NXPE2: variants seen among roughly 807,000 people sequenced by gnomAD.
The protein encoded by NXPE2 is neurexophilin and PC-esterase domain family member 2.
A neutral mutation model predicts 34.4 loss-of-function variants in NXPE2; 34 were observed. That is an observed-to-expected ratio of 0.99 (90% CI 0.75 to 1.31). The LOEUF (loss-of-function observed/expected upper bound fraction) is 1.31, where lower values mean the gene tolerates loss of function less well. NXPE2 is among the 40% of genes most tolerant of loss of function. The probability of loss-of-function intolerance (pLI) is 0.00; values close to 1 mark genes in which losing one functional copy is unlikely to be tolerated. For synonymous variants in NXPE2, 235 were observed against 231.3 expected (o/e 1.02, Z -0.15); for missense variants, 649 against 672.5 (o/e 0.97, Z 0.39).
chr11:114,474,829 T>C, the NXPE2 span, among the ~76,000 whole-genome samples: 1 of 152,192 alleles, frequency 6.6e-6, no homozygotes, highest in Non-Finnish European at 1.5e-5. Flanking sequence ...AGGCAGTCCT[T>C]GCTTTGCATG....
chr11:114,629,753 A>T, the NXPE2 span, among the ~76,000 whole-genome samples: 1 of 151,446 alleles, frequency 6.6e-6, no homozygotes, highest in Non-Finnish European at 1.5e-5. Context: ...AGACGACATG[A>T]TTGTATATCT....
At chr11:114,639,866 T>TATAAAATATAATA in the NXPE2 span, among the ~76,000 whole-genome samples, 1 of 44,488 alleles carries the variant, frequency 2.2e-5, no homozygotes, top group Non-Finnish European at 3.9e-5. Flanking sequence ...ATATTATATT[T>TATAAAATATAATA]TATATTAAAT....
chr11:114,675,686 A>G (rs987016993), upstream of NXPE2, among the ~76,000 whole-genome samples: 3 of 151,960 alleles, frequency 2.0e-5, no homozygotes, highest in African/African-American at 7.2e-5. Flanking sequence ...AAAACATTCT[A>G]CAGATTTAAC....
At chr11:114,811,117 T>C in the NXPE2 span, among the ~76,000 whole-genome samples, 1 of 136,878 alleles carries the variant, frequency 7.3e-6, no homozygotes, top group Admixed American at 8.6e-5. Context: ...TTCTTGCTCA[T>C]AGGTGGGAAC....
the NXPE2 span, among the ~76,000 whole-genome samples, chr11:114,772,420 A>G: frequency 6.6e-6 from 1 of 152,142 alleles, no homozygotes; most frequent in African/African-American, 2.4e-5. Context: ...ATAACTTCCC[A>G]TGTGGCACTT....
the NXPE2 span, among the ~76,000 whole-genome samples, chr11:114,728,167 T>G: frequency 3.2e-4 from 49 of 152,100 alleles, no homozygotes; most frequent in Middle Eastern, 3.2e-3. Context: ...ATAAGCCTTC[T>G]ACCCCTCTCT....
At chr11:114,615,042 G>T in the NXPE2 span, among the ~76,000 whole-genome samples, 1 of 151,330 alleles carries the variant, frequency 6.6e-6, no homozygotes, top group African/African-American at 2.4e-5. Flanking sequence ...TTACCCACTG[G>T]ATAATAAGTG....
At chr11:114,619,058 A>T in the NXPE2 span, among the ~76,000 whole-genome samples, 1 of 151,830 alleles carries the variant, frequency 6.6e-6, no homozygotes, top group Non-Finnish European at 1.5e-5. Context: ...AACCACTGTT[A>T]CCTGGTGGAT....
chr11:114,706,498 A>G lies in NXPE2; in HGVS notation c.1248A>G (p.Pro416=), dbSNP rs1250388709. The change falls in exon 6 of 6, where the codon CCA becomes CCG. Residue 416 remains proline, a synonymous_variant. Transcript: ENST00000389586. ...ILIQWKKHGH[P]FVTKKLFSVK... ...TTCAGTGGAAAAAACATGGTCATCC[A>G]TTTGTTACCAAAAAATTATTCTCAG... is the stretch of plus-strand genomic sequence containing the variant. The G allele has an allele frequency of 1.3e-6, 2 of 1,551,738 alleles. No individual in the cohort carries two copies. Among genetic ancestry groups the G allele is most frequent in the African/African-American group, 1.4e-5 (1 of 73,056 alleles).
chr11:114,497,475 T>C, the NXPE2 span, among the ~76,000 whole-genome samples: 20 of 152,176 alleles, frequency 1.3e-4, no homozygotes, highest in Admixed American at 5.2e-4. Context: ...TCTTTTATAC[T>C]ATATTTTAAC....
chr11:114,535,286 A>G, the NXPE2 span, among the ~76,000 whole-genome samples: 1,420 of 152,352 alleles, frequency 9.3e-3, 23 homozygotes, highest in African/African-American at 0.031. Flanking sequence ...AGGAAGCACT[A>G]AACATGGAAA....
chr11:114,620,524 G>C, the NXPE2 span, among the ~76,000 whole-genome samples: 2 of 149,436 alleles, frequency 1.3e-5, no homozygotes, highest in Admixed American at 6.6e-5. Flanking sequence ...ACCACTTTAA[G>C]GCGGTAGATA....
the NXPE2 span, among the ~76,000 whole-genome samples, chr11:114,535,424 C>T: frequency 4.6e-5 from 7 of 152,208 alleles, no homozygotes; most frequent in African/African-American, 1.7e-4. Context: ...CAAATTCACA[C>T]ATAACAATAC....
chr11:114,803,847 C>T, the NXPE2 span, among the ~76,000 whole-genome samples: 856 of 152,030 alleles, frequency 5.6e-3, 10 homozygotes, highest in African/African-American at 0.019. Context: ...CAAAATGCTG[C>T]GATTACAGGC....
chr11:114,760,090 T>C, the NXPE2 span, among the ~76,000 whole-genome samples: 2 of 152,196 alleles, frequency 1.3e-5, no homozygotes, highest in South Asian at 4.1e-4. Flanking sequence ...TTGGGTGCTA[T>C]GGTCTGAAGG....
chr11:114,716,803 C>T, the NXPE2 span, among the ~76,000 whole-genome samples: 11,312 of 152,102 alleles, frequency 0.074, 793 homozygotes, highest in East Asian at 0.33. Flanking sequence ...TAGGCAGGTG[C>T]TATTTTAATG....
chr11:114,684,167 C>T (rs189097207), intron 2 of NXPE2, among the ~76,000 whole-genome samples: 1 of 152,140 alleles, frequency 6.6e-6, no homozygotes, highest in Non-Finnish European at 1.5e-5. Flanking sequence ...GTGGCTTATG[C>T]CTATAATCCA....
the NXPE2 span, among the ~76,000 whole-genome samples, chr11:114,639,745 A>G: frequency 7.7e-6 from 1 of 130,174 alleles, no homozygotes; most frequent in Non-Finnish European, 1.6e-5. Context: ...AAAATAATAT[A>G]TAATATATAT....
intron 2 of NXPE2, among the ~76,000 whole-genome samples, chr11:114,692,954 G>C (rs771310585): frequency 2.6e-5 from 4 of 152,096 alleles, no homozygotes; most frequent in Non-Finnish European, 4.4e-5. Context: ...TGTCTAGTCA[G>C]CCATCTTGAT....
Sources: gnomAD v4.1 joint callset for allele counts (sites outside exome capture counted in the v4.1 genomes callset) on GRCh38, gnomAD v4.1.1 for gene constraint, MANE v1.5 for transcripts, NCBI Gene and HGNC (gene_info 2026-07-23, HGNC 2026-07-21) for gene names.